The following COL4A4 variants were observed in gnomAD, a reference collection of about 807,000 sequenced individuals.
The protein encoded by COL4A4 is collagen type IV alpha 4 chain, also known as collagen alpha-4(IV) chain.
COL4A4 carries 105 observed loss-of-function variants against 192.9 expected under a neutral mutation model. The observed-to-expected ratio is 0.54, with a 90% confidence interval of 0.46 to 0.64. The LOEUF (loss-of-function observed/expected upper bound fraction) is 0.64. COL4A4 is among the 30% of genes least tolerant of loss of function. The pLI is 0.00. For synonymous variants in COL4A4, 762 were observed against 769.9 expected (o/e 0.99, Z 0.17); for missense variants, 1,967 against 2,169.3 (o/e 0.91, Z 1.85).
chr2:227,043,282 T>C (rs1971819774), intron 35 of COL4A4, 98 bp from the exon 36 acceptor site: 1 of 1,022,310 alleles, frequency 9.8e-7, no homozygotes. Flanking sequence ...TATCCTTACT[T>C]TTTTAGTTTT....
At chr2:227,147,234 A>T (rs1426083242) in intron 2 of COL4A4, 179 bp downstream of exon 2, 1 of 727,552 alleles carries the variant, frequency 1.4e-6, no homozygotes, top group South Asian at 1.4e-5. Context: ...TTTCAGGGAA[A>T]ATTGAGAGGG....
At chr2:227,118,888 T>C in intron 6 of COL4A4, 127 bp from the exon 7 acceptor site, 2 of 727,254 alleles carry the variant, frequency 2.8e-6, no homozygotes, top group South Asian at 1.5e-5. Context: ...TTGTGAAACT[T>C]TCTCTTTACC....
intron 12 of COL4A4, among the ~76,000 whole-genome samples, chr2:227,107,341 C>CTCCA (rs1293249389): frequency 2.0e-5 from 3 of 152,128 alleles, no homozygotes; most frequent in Non-Finnish European, 4.4e-5. Context: ...ACAGGACAGC[C>CTCCA]TCCACAACAA....
At chr2:226,969,812 A>G in the COL4A4 span, among the ~76,000 whole-genome samples, 3 of 152,150 alleles carry the variant, frequency 2.0e-5, no homozygotes, top group Non-Finnish European at 4.4e-5. Flanking sequence ...GTAGACTCTC[A>G]TTCTTCATAA....
At chr2:226,979,856 T>G in the COL4A4 span, among the ~76,000 whole-genome samples, 1 of 152,236 alleles carries the variant, frequency 6.6e-6, no homozygotes, top group Non-Finnish European at 1.5e-5. Context: ...GTTTAGGCAC[T>G]GGTCTAGGCC....
chr2:227,082,314 G>A, intron 22 of COL4A4, 127 bp from the exon 23 acceptor site: 1 of 894,628 alleles, frequency 1.1e-6, no homozygotes. Flanking sequence ...TGGCATTCTT[G>A]GTCTCTTCCA....
At chr2:227,163,252 T>C (rs1354690974) in intron 1 of COL4A4, among the ~76,000 whole-genome samples, 1 of 152,242 alleles carries the variant, frequency 6.6e-6, no homozygotes, top group Non-Finnish European at 1.5e-5. Flanking sequence ...GTATTGGCAG[T>C]TCTTGATAAT....
chr2:227,060,828 C>T (rs377597771), intron 26 of COL4A4, among the ~76,000 whole-genome samples: 5 of 151,510 alleles, frequency 3.3e-5, no homozygotes, highest in South Asian at 2.1e-4. Flanking sequence ...CCTGGGTTCA[C>T]GCCATTCTCC....
At position 227,030,439 on chromosome 2, in the gene COL4A4, A is replaced by G. The variant is rs1462793666; in HGVS notation, c.3973+4T>C. The G allele has an allele frequency of 6.2e-7, 1 of 1,614,220 alleles. No homozygotes were observed. The highest frequency in any genetic ancestry group is 1.7e-5 in the Admixed American group (1 of 60,026). ...CATATTACTTAACGGAACAACATTC[A>G]TACCTTTCTGGCCATCTTTTCCATC... On this transcript the variant is annotated splice_donor_region_variant and intron_variant, in intron 41 of 47. Coordinates refer to ENST00000396625, the MANE Select transcript of COL4A4 (RefSeq NM_000092.5).
chr2:227,010,632 G>A (rs773997249), intron 45 of COL4A4, 131 bp from the exon 46 acceptor site: 27 of 668,898 alleles, frequency 4.0e-5, no homozygotes, highest in South Asian at 5.0e-5. Flanking sequence ...GCCCCTCCTC[G>A]CCTTCTGGAA....
chr2:227,020,501 T>C (rs1188240288), intron 44 of COL4A4, among the ~76,000 whole-genome samples: 1 of 152,198 alleles, frequency 6.6e-6, no homozygotes, highest in Admixed American at 6.5e-5. Context: ...CAGGGCTGTT[T>C]TGGTCACCAC....
At chr2:227,060,357 T>C (rs1976644094) in intron 26 of COL4A4, 114 bp from the exon 27 acceptor site, 4 of 746,130 alleles carry the variant, frequency 5.4e-6, no homozygotes, top group Admixed American at 2.6e-5. Flanking sequence ...TTCTACTTTA[T>C]GGAAGTAAGG....
rs1368272523 is a variant in COL4A4, at chr2:227,041,800, GAAA to G, written c.3505+345_3505+347del. Among the ~76,000 whole-genome samples the G allele has an allele frequency of 1.9e-3, 97 of 51,556 alleles. 5 individuals carry two copies. Among genetic ancestry groups the G allele is most frequent in the African/African-American group, 8.6e-3 (92 of 10,648 alleles). 33.8% of individuals were successfully genotyped at this position (51,556 alleles called of 152,430 possible). ...GAAGGAAGGAAGGGAAAGAAAGAAAGAAAGGAAGAAAGAAAGAAAGAAAGAAAG... is the reference window on the plus strand; with the variant it reads ...GAAGGAAGGAAGGGAAAGAAAGAAAGGGAAGAAAGAAAGAAAGAAAGAAAG... On this transcript the variant is annotated intron_variant, in intron 37 of 47. Coordinates refer to ENST00000396625, the MANE Select transcript of COL4A4 (RefSeq NM_000092.5).
At chr2:226,975,345 C>T in the COL4A4 span, among the ~76,000 whole-genome samples, 2 of 152,104 alleles carry the variant, frequency 1.3e-5, no homozygotes, top group African/African-American at 2.4e-5. Flanking sequence ...ACACCTTAAA[C>T]TTATACAATT....
At chr2:227,062,498 T>A in intron 26 of COL4A4, 32 bp downstream of exon 26, 1 of 1,318,400 alleles carries the variant, frequency 7.6e-7, no homozygotes, top group Non-Finnish European at 1.1e-6. Context: ...CTCTGGGAAG[T>A]ATATAAGACA....
chr2:227,094,921 A>C (rs548074396), intron 19 of COL4A4, among the ~76,000 whole-genome samples: 1 of 152,330 alleles, frequency 6.6e-6, no homozygotes, highest in South Asian at 2.1e-4. Flanking sequence ...GTGATGTATA[A>C]AGTTTGCTTT....
chr2:227,070,883 A>AAAT lies in COL4A4; in HGVS notation c.1987+7008_1987+7010dup, dbSNP rs1020162009. On this transcript the variant is annotated intron_variant, in intron 25 of 47. Coordinates refer to ENST00000396625, the MANE Select transcript of COL4A4 (RefSeq NM_000092.5). ...TAAAACTTAAAGTATAATAATAAAT[A>AAAT]AATAAATAAATAAATAAATGCTAAA... 1.4e-3 allele frequency among the ~76,000 whole-genome samples: 216 copies of AAAT among 151,646 alleles called. 5 individuals carry two copies. The highest frequency in any genetic ancestry group is 4.1e-4 in the Non-Finnish European group (28 of 67,858).
the COL4A4 span, among the ~76,000 whole-genome samples, chr2:226,989,967 T>C: frequency 6.6e-6 from 1 of 152,232 alleles, no homozygotes; most frequent in Non-Finnish European, 1.5e-5. Flanking sequence ...CTTGATTGAT[T>C]GAAGGATAGA....
chr2:226,970,986 A>G, the COL4A4 span, among the ~76,000 whole-genome samples: 1 of 152,214 alleles, frequency 6.6e-6, no homozygotes, highest in Non-Finnish European at 1.5e-5. Context: ...TGTATAATAT[A>G]TATCATCATA....
Sources: allele counts gnomAD v4.1 joint callset (sites outside exome capture counted in the v4.1 genomes callset), GRCh38; gene constraint gnomAD v4.1.1; transcripts MANE v1.5; gene names NCBI Gene and HGNC (gene_info 2026-07-23, HGNC 2026-07-21).